Variants in LTBP2 observed in about 807,000 individuals in gnomAD.
LTBP2 encodes the protein latent transforming growth factor beta binding protein 2.
LTBP2 carries 103 observed loss-of-function variants against 210.6 expected under a neutral mutation model. The ratio of observed to expected loss-of-function variants is 0.49; its 90% CI spans 0.42 to 0.58. The LOEUF is 0.58. LTBP2 is among the 20% of genes least tolerant of loss of function. The probability of loss-of-function intolerance (pLI) is 0.00; values close to 1 mark genes in which losing one functional copy is unlikely to be tolerated. For missense variants in LTBP2, 2,313 were observed against 2,494.5 expected (o/e 0.93, Z 1.55); for synonymous variants, 1,007 against 1,015.0 (o/e 0.99, Z 0.15).
intron 18 of LTBP2, among the ~76,000 whole-genome samples, chr14:74,515,237 G>C (rs1164942439): frequency 6.7e-6 from 1 of 148,156 alleles, no homozygotes; most frequent in Non-Finnish European, 1.5e-5. Flanking sequence ...ACACAGACTG[G>C]TTAATATAAA....
intron 18 of LTBP2, among the ~76,000 whole-genome samples, chr14:74,514,695 G>T (rs2087113418): frequency 6.6e-6 from 1 of 152,138 alleles, no homozygotes; most frequent in African/African-American, 2.4e-5. Context: ...CCGGTACGAC[G>T]GAAATGCCGT....
intron 3 of LTBP2, among the ~76,000 whole-genome samples, chr14:74,569,711 A>C (rs900562084): frequency 2.0e-5 from 3 of 152,122 alleles, no homozygotes; most frequent in African/African-American, 4.8e-5. Flanking sequence ...TAATTGCTAT[A>C]CTTACTAAAC....
At chr14:74,540,848 T>TTATATA (rs373657989) in intron 8 of LTBP2, among the ~76,000 whole-genome samples, 3 of 68,898 alleles carry the variant, frequency 4.4e-5, no homozygotes, top group Non-Finnish European at 8.6e-5. Flanking sequence ...TTTATATATA[T>TTATATA]TATATATATT....
At chr14:74,564,328 T>C (rs2087867570) in intron 3 of LTBP2, among the ~76,000 whole-genome samples, 1 of 19,652 alleles carries the variant, frequency 5.1e-5, no homozygotes, top group African/African-American at 2.3e-4. Context: ...TTTATATATA[T>C]ATTTATATAT....
chr14:74,600,575 C>T (rs988411450), intron 2 of LTBP2, among the ~76,000 whole-genome samples: 5 of 152,078 alleles, frequency 3.3e-5, no homozygotes, highest in South Asian at 4.1e-4. Flanking sequence ...GTTAGGAAAC[C>T]GAGAACCTCC....
intron 3 of LTBP2, among the ~76,000 whole-genome samples, chr14:74,561,015 C>A (rs1482256555): frequency 2.0e-5 from 3 of 152,018 alleles, no homozygotes; most frequent in Admixed American, 1.3e-4. Context: ...GCTCTTGCTG[C>A]TAAAAAAAAT....
At chr14:74,522,453 A>T (rs1049714789) in intron 16 of LTBP2, among the ~76,000 whole-genome samples, 5 of 152,078 alleles carry the variant, frequency 3.3e-5, no homozygotes, top group Non-Finnish European at 5.9e-5. Context: ...CAACTGGGGC[A>T]GTCCTGGGTG....
rs553562104 is a variant in LTBP2 at position 74,551,219 on chromosome 14, G to T, written c.1531C>A (p.Pro511Thr). Residue 511 changes from proline to threonine, a missense_variant, in exon 7 of 36, where the codon CCC (proline) becomes ACC (threonine). Physicochemically the swap from Pro to Thr is conservative, Grantham distance 38. Around this residue, in one of 3 missense-constraint regions of LTBP2, gnomAD observed 1,867 missense variants for 1,976.9 expected, o/e 0.94. Coordinates refer to ENST00000261978, the MANE Select transcript of LTBP2 (RefSeq NM_000428.3). The stretch of plus-strand genomic sequence containing the variant: ...GGGCTGGCAGGCAGCCAGGGCGGGG[G>T]TCTGGTCTCCACGCTGTTCTCCACT... ...ALVENSVETR[P>T]PPWLPASPGH... 301 of 1,613,360 alleles carry T rather than the reference G, an allele frequency of 1.9e-4. 4 individuals are homozygous for T. In the South Asian group the frequency reaches 3.2e-3, roughly 17 times the overall value.
rs372107387 is a variant in LTBP2, at chr14:74,611,810, C to T, written c.135G>A (p.Pro45=). 6.2e-7 allele frequency: 1 copy of T among 1,611,742 alleles called. No individual in the cohort carries two copies. Among genetic ancestry groups the T allele is most frequent in the South Asian group, 1.1e-5 (1 of 91,046 alleles). ...GCAGTCGATTCGCGTCTCCACCAGC[C>T]GGCTCGTATCTCCCTACGGGGTCCC... The part of the protein sequence containing the change: ...AQRDPVGRYE[P]AGGDANRLRR... The change falls in exon 1 of 36, where the codon CCG becomes CCA. Residue 45 remains proline (P), a synonymous_variant. Transcript: ENST00000261978.
chr14:74,501,309 G>A (rs754251474), intron 35 of LTBP2, 132 bp downstream of exon 35: 3 of 1,400,222 alleles, frequency 2.1e-6, no homozygotes, highest in Non-Finnish European at 3.0e-6. Context: ...TTCCTTTGGC[G>A]CTTTCTTCCC....
At chr14:74,551,394 A>G (rs753862610) in intron 6 of LTBP2, 44 bp from the exon 7 acceptor site, 4 of 1,501,212 alleles carry the variant, frequency 2.7e-6, no homozygotes, top group South Asian at 2.7e-5. Flanking sequence ...GCAGGGCCCC[A>G]CCCTCATTTC....
At chr14:74,512,455 T>C (rs1432078680) in intron 18 of LTBP2, among the ~76,000 whole-genome samples, 1 of 152,224 alleles carries the variant, frequency 6.6e-6, no homozygotes, top group African/African-American at 2.4e-5. Context: ...GCCTAGGGTC[T>C]GAACATAGGC....
rs116669069 is a variant in LTBP2, at chr14:74,525,980, C to T, written c.2428+95G>A. 127 of 1,302,210 alleles carry T rather than the reference C, an allele frequency of 9.8e-5. 1 individual carries two copies. The highest frequency in any genetic ancestry group is 9.0e-4 in the African/African-American group (61 of 67,834). 80.7% of individuals were successfully genotyped at this position (1,302,210 alleles called of 1,614,324 possible). On this transcript the variant is annotated intron_variant, in intron 14 of 35. Coordinates refer to ENST00000261978, the MANE Select transcript of LTBP2 (RefSeq NM_000428.3). The stretch of plus-strand genomic sequence containing the variant: ...CACCCTCCTCTGATGTGTGTGTGAG[C>T]GTGAACCAGCTCACACATAGTAACT...
intron 8 of LTBP2, among the ~76,000 whole-genome samples, chr14:74,537,778 G>A (rs927686300): frequency 6.6e-6 from 1 of 151,902 alleles, no homozygotes; most frequent in East Asian, 1.9e-4. Context: ...TTTTTGAGAT[G>A]GAGTCTTGCT....
At chr14:74,608,973 A>G (rs148849972) in intron 1 of LTBP2, among the ~76,000 whole-genome samples, 76 of 152,326 alleles carry the variant, frequency 5.0e-4, no homozygotes, top group African/African-American at 1.7e-3. Context: ...GATCCAGTAT[A>G]GGGCCTGGGT....
intron 2 of LTBP2, among the ~76,000 whole-genome samples, chr14:74,602,442 G>A (rs1239625991): frequency 1.3e-5 from 2 of 152,340 alleles, no homozygotes; most frequent in Non-Finnish European, 2.9e-5. Context: ...GATGCAGAAA[G>A]TGAGGCCCAG....
Position 74,536,480 on chromosome 14 carries a change from A to C in LTBP2, c.1790-480T>G, listed in dbSNP as rs926567505. On this transcript the variant is annotated intron_variant, in intron 8 of 35. Transcript: ENST00000261978. ...GTAGATTTTAAGTGTTCTCACCACAAAAAATAAATATATGAGGTAATACAC... is the reference window on the plus strand; with the variant it reads ...GTAGATTTTAAGTGTTCTCACCACACAAAATAAATATATGAGGTAATACAC... Among the ~76,000 whole-genome samples the C allele has an allele frequency of 2.0e-5, 3 of 152,366 alleles. No individual in the cohort carries two copies. In the East Asian group the frequency reaches 5.8e-4, roughly 29 times the overall value.
chr14:74,536,246 A>G (rs2087420361), intron 8 of LTBP2, among the ~76,000 whole-genome samples: 2 of 152,182 alleles, frequency 1.3e-5, no homozygotes, highest in African/African-American at 4.8e-5. Context: ...ATATCACATG[A>G]TCTCACTTAC....
chr14:74,511,186 C>G, intron 19 of LTBP2, 59 bp downstream of exon 19: 1 of 1,611,246 alleles, frequency 6.2e-7, no homozygotes. Context: ...CGTGTGTGGG[C>G]TCAACCAGAG....
Sources: gnomAD v4.1 joint callset for allele counts (sites outside exome capture counted in the v4.1 genomes callset) on GRCh38, gnomAD v4.1.1 for gene constraint, gnomAD v4.1.1 regional missense constraint, MANE v1.5 for transcripts, NCBI Gene and HGNC (gene_info 2026-07-23, HGNC 2026-07-21) for gene names.